The following CDK14 variants were observed in gnomAD, a reference collection of about 807,000 sequenced individuals.
CDK14 encodes cyclin dependent kinase 14.
CDK14 carries 34 observed loss-of-function variants against 60.7 expected under a neutral mutation model. That is an observed-to-expected ratio of 0.56 (90% confidence interval 0.43 to 0.75). The LOEUF is 0.75. CDK14 is among the 30% of genes least tolerant of loss of function. CDK14 has a pLI of 0.00. For missense variants in CDK14, 482 were observed against 564.1 expected (o/e 0.85, Z 1.47); for synonymous variants, 197 against 203.7 (o/e 0.97, Z 0.28).
intron 2 of CDK14, among the ~76,000 whole-genome samples, chr7:90,663,166 C>T (rs1244333893): frequency 6.6e-6 from 1 of 151,976 alleles, no homozygotes; most frequent in Non-Finnish European, 1.5e-5. Flanking sequence ...TAGGCCACCC[C>T]CTTCTTTCTT....
chr7:90,868,899 A>G (rs1427897425), intron 6 of CDK14, among the ~76,000 whole-genome samples: 1 of 152,132 alleles, frequency 6.6e-6, no homozygotes, highest in African/African-American at 2.4e-5. Flanking sequence ...GATGCCAGTT[A>G]CTCCATTTTA....
At chr7:91,172,284 A>G (rs1272287053) in intron 14 of CDK14, among the ~76,000 whole-genome samples, 2 of 152,196 alleles carry the variant, frequency 1.3e-5, no homozygotes, top group African/African-American at 4.8e-5. Context: ...AGTATCTTCC[A>G]TGACTTGCCG....
intron 12 of CDK14, among the ~76,000 whole-genome samples, chr7:91,094,480 G>C (rs1290110101): frequency 6.6e-6 from 1 of 152,162 alleles, no homozygotes; most frequent in African/African-American, 2.4e-5. Context: ...GCACACGTCT[G>C]TGCCTCACAG....
At chr7:90,787,861 A>G (rs1805663403) in intron 4 of CDK14, among the ~76,000 whole-genome samples, 1 of 152,194 alleles carries the variant, frequency 6.6e-6, no homozygotes, top group Non-Finnish European at 1.5e-5. Flanking sequence ...CAGTTACCAT[A>G]GAAAATATTT....
intron 14 of CDK14, among the ~76,000 whole-genome samples, chr7:91,195,120 A>G (rs540491668): frequency 2.8e-4 from 43 of 152,340 alleles, no homozygotes; most frequent in African/African-American, 9.4e-4. Flanking sequence ...GTTGATGTGA[A>G]TGTCTTATTC....
intron 8 of CDK14, among the ~76,000 whole-genome samples, chr7:90,918,075 C>T (rs1562827676): frequency 6.6e-6 from 1 of 151,894 alleles, no homozygotes; most frequent in Non-Finnish European, 1.5e-5. Context: ...GTCAAATATA[C>T]TCAAAAGGAA....
intron 14 of CDK14, among the ~76,000 whole-genome samples, chr7:91,125,536 GCACA>G (rs369840885): frequency 6.6e-6 from 1 of 151,064 alleles, no homozygotes; most frequent in Non-Finnish European, 1.5e-5. Context: ...ACCAACGCAT[GCACA>G]CACACACACA....
At chr7:91,101,307 G>A (rs1190790268) in intron 12 of CDK14, among the ~76,000 whole-genome samples, 1 of 152,128 alleles carries the variant, frequency 6.6e-6, no homozygotes, top group Non-Finnish European at 1.5e-5. Flanking sequence ...TTGTAAGCAT[G>A]ACCCTTTGAT....
At chr7:90,615,120 G>A (rs970978136) in intron 2 of CDK14, among the ~76,000 whole-genome samples, 1 of 151,632 alleles carries the variant, frequency 6.6e-6, no homozygotes, top group Non-Finnish European at 1.5e-5. Flanking sequence ...TATGAGTAAG[G>A]AATGTGTTGA....
At chr7:90,747,433 A>T (rs952515203) in intron 3 of CDK14, among the ~76,000 whole-genome samples, 2 of 152,242 alleles carry the variant, frequency 1.3e-5, no homozygotes, top group Non-Finnish European at 2.9e-5. Context: ...AAGAACAGCT[A>T]TCAAAATATT....
At chr7:90,643,272 T>C (rs1800383320) in intron 2 of CDK14, among the ~76,000 whole-genome samples, 1 of 152,304 alleles carries the variant, frequency 6.6e-6, no homozygotes, top group Non-Finnish European at 1.5e-5. Flanking sequence ...TGTCGGCTTT[T>C]TTGTGTTTCT....
intron 10 of CDK14, among the ~76,000 whole-genome samples, chr7:91,024,299 C>T (rs1258323051): frequency 2.0e-5 from 3 of 152,182 alleles, no homozygotes; most frequent in African/African-American, 7.2e-5. Context: ...AAAGAGGAAA[C>T]TGACTCACGG....
chr7:91,183,191 C>A (rs1217967226), intron 14 of CDK14, among the ~76,000 whole-genome samples: 1 of 152,134 alleles, frequency 6.6e-6, no homozygotes, highest in African/African-American at 2.4e-5. Flanking sequence ...GAAAACTAAA[C>A]CCAGGCTGGG....
chr7:90,947,381 G>A (rs111838295), intron 8 of CDK14, among the ~76,000 whole-genome samples: 8 of 152,132 alleles, frequency 5.3e-5, no homozygotes, highest in Non-Finnish European at 7.4e-5. Context: ...TCTTGGGGAG[G>A]TGATAGCACT....
At chr7:90,889,447 C>G in intron 6 of CDK14, among the ~76,000 whole-genome samples, 1 of 152,216 alleles carries the variant, frequency 6.6e-6, no homozygotes, top group East Asian at 1.9e-4. Context: ...CCCAGGCTGC[C>G]CGTACATTTT....
chr7:90,598,704 A>ATTTGTTTTTTTT lies in CDK14; in HGVS notation c.91+1989_91+1990insGTTTTTTTTTTT, dbSNP rs1554416545. ...GTGAACTCATTCTGATTATCTAAGG[A>ATTTGTTTTTTTT]TTTTTTTTTTTTTTTTTTGAGACGG... On this transcript the variant is annotated intron_variant, in intron 1 of 14. Coordinates refer to ENST00000380050, the MANE Select transcript of CDK14 (RefSeq NM_001287135.2). Among the ~76,000 whole-genome samples the ATTTGTTTTTTTT allele has an allele frequency of 9.1e-5, 8 of 87,902 alleles. 1 individual carries two copies. The highest frequency in any genetic ancestry group is 1.6e-4 in the African/African-American group (4 of 24,850). The allele number at this position is 87,902 out of a possible 152,430, so 57.7% of individuals were successfully genotyped here.
At chr7:90,656,380 TTTC>T (rs1346460710) in intron 2 of CDK14, among the ~76,000 whole-genome samples, 3 of 97,876 alleles carry the variant, frequency 3.1e-5, no homozygotes, top group East Asian at 4.5e-4. Flanking sequence ...TTTTTCTTTC[TTTC>T]TTTTTTTTTT....
intron 9 of CDK14, among the ~76,000 whole-genome samples, chr7:90,982,242 G>T (rs1435848676): frequency 6.6e-6 from 1 of 152,152 alleles, no homozygotes; most frequent in African/African-American, 2.4e-5. Flanking sequence ...TCCATGAAAG[G>T]CATCACAGAG....
chr7:90,912,268 ATCTATT>A (rs1159980943), intron 7 of CDK14, among the ~76,000 whole-genome samples: 17 of 152,106 alleles, frequency 1.1e-4, no homozygotes, highest in African/African-American at 4.1e-4. Context: ...CTCTCATGTT[ATCTATT>A]TCTAAGATTT....
Sources: gnomAD v4.1 joint callset for allele counts (sites outside exome capture counted in the v4.1 genomes callset) on GRCh38, gnomAD v4.1.1 for gene constraint, MANE v1.5 for transcripts, NCBI Gene and HGNC (gene_info 2026-07-23, HGNC 2026-07-21) for gene names.